The following FPGS variants were observed in gnomAD, a reference collection of about 807,000 sequenced individuals.
FPGS encodes folylpolyglutamate synthase, also known as folylpolyglutamate synthase, mitochondrial.
In FPGS, 53 loss-of-function variants were observed where a neutral mutation model predicts 66.5. That is an observed-to-expected ratio of 0.80 (90% CI 0.64 to 1.00). The LOEUF (loss-of-function observed/expected upper bound fraction) is 1.00, where lower values mean the gene tolerates loss of function less well. Among genes scored for constraint, FPGS ranks in the 50% least tolerant of loss-of-function variants. The probability of loss-of-function intolerance (pLI) is 0.00; values close to 1 mark genes in which losing one functional copy is unlikely to be tolerated. For synonymous variants in FPGS, 348 were observed against 350.9 expected (o/e 0.99, Z 0.09); for missense variants, 702 against 807.7 (o/e 0.87, Z 1.59).
rs201707418 is a variant in FPGS at position 127,804,323 on chromosome 9, C to T, written c.177C>T (p.Ala59=). Reference sequence around the variant, plus strand: ...TGCTCAATACCCTGCAGACCAATGCCGGCTACCTGGAGCAGGTGAAGCGCC... The same window carrying T: ...TGCTCAATACCCTGCAGACCAATGCTGGCTACCTGGAGCAGGTGAAGCGCC... The part of the protein sequence containing the change: ...VRMLNTLQTN[A]GYLEQVKRQR... Residue 59 remains alanine (A), a synonymous_variant, in exon 2 of 15, where the codon GCC becomes GCT. Transcript: ENST00000373247. The T allele has an allele frequency of 6.2e-6, 10 of 1,614,096 alleles. No homozygotes were observed. The highest frequency in any genetic ancestry group is 3.3e-5 in the Admixed American group (2 of 60,002).
intron 11 of FPGS, 146 bp downstream of exon 11, chr9:127,809,035 A>C: frequency 1.5e-6 from 1 of 658,498 alleles, no homozygotes. Context: ...GATGTCAGCA[A>C]ACCTCCCTGA....
chr9:127,814,266 G>A (rs1830224335), downstream of FPGS: 1 of 531,906 alleles, frequency 1.9e-6, no homozygotes, highest in African/African-American at 2.1e-5. Flanking sequence ...CATATGCCAG[G>A]CAGTGCTTTC....
Position 127,808,700 on chromosome 9 carries a change from G to A in FPGS, c.965G>A (p.Arg322His), listed in dbSNP as rs755174848. 2.1e-5 allele frequency: 33 copies of A among 1,583,880 alleles called. No individual in the cohort carries two copies. Among genetic ancestry groups the A allele is most frequent in the African/African-American group, 2.7e-5 (2 of 74,372 alleles). The change falls in exon 10 of 15, where the codon CGC becomes CAC. Residue 322 changes from arginine to histidine, a missense_variant. This residue lies in a region of FPGS where 351 missense variants were observed against 363.7 expected (regional missense o/e 0.97). Coordinates refer to ENST00000373247, the MANE Select transcript of FPGS (RefSeq NM_004957.6). The stretch of plus-strand genomic sequence containing the variant: ...CACTGCTGGCTGCAGCGGCAGGACC[G>A]CCATGGTGAGTGGGCAGCTGAGTGG... ...LAHCWLQRQDRHGAGEPKASR... is the reference protein window; with the variant it reads ...LAHCWLQRQDHHGAGEPKASR...
chr9:127,814,099 C>T, downstream of FPGS: 2 of 986,642 alleles, frequency 2.0e-6, no homozygotes, highest in South Asian at 4.7e-5. Flanking sequence ...CCCCCTGCTC[C>T]CTCAGCAGAG....
rs200287234 is a variant in FPGS, at chr9:127,810,027, G to T, written c.1212-4G>T. ...TTTGACCCAGCTCCTCACCTCTGTC[G>T]CAGTGGCCCCGAGGTTCGAGTCTTG... On this transcript the variant is annotated splice_polypyrimidine_tract_variant and splice_region_variant and intron_variant, in intron 12 of 14. Transcript: ENST00000373247. 7 of 1,610,476 alleles carry T rather than the reference G, an allele frequency of 4.3e-6. No individual in the cohort carries two copies. The highest frequency in any genetic ancestry group is 5.9e-6 in the Non-Finnish European group (7 of 1,178,834).
chr9:127,809,734 C>A lies in FPGS; in HGVS notation c.1111C>A (p.Pro371Thr). ...PGRTQVLRRG[P>T]LTWYLDGAHT... ...CCGGACGCAGGTGCTGCGGCGCGGGCCCCTCACCTGGTACCTGGACGGTGC... is the reference window on the plus strand; with the variant it reads ...CCGGACGCAGGTGCTGCGGCGCGGGACCCTCACCTGGTACCTGGACGGTGC... Residue 371 changes from proline (P) to threonine (T), a missense_variant, in exon 12 of 15, where the codon CCC (proline) becomes ACC (threonine). Pro to Thr is a conservative substitution (Grantham distance 38). This residue lies in a region of FPGS where 351 missense variants were observed against 363.7 expected (regional missense o/e 0.97). Transcript: ENST00000373247. 1 of 1,587,078 alleles carries A rather than the reference C, an allele frequency of 6.3e-7. No homozygotes were observed. The highest frequency in any genetic ancestry group is 8.5e-7 in the Non-Finnish European group (1 of 1,175,334).
intron 1 of FPGS, among the ~76,000 whole-genome samples, chr9:127,803,850 C>T (rs1200435681): frequency 1.3e-5 from 2 of 152,156 alleles, no homozygotes; most frequent in African/African-American, 4.8e-5. Context: ...TGTGGAACCC[C>T]AGAGTCATGA....
intron 13 of FPGS, 120 bp from the exon 14 acceptor site, chr9:127,810,825 A>G (rs1318329601): frequency 1.7e-6 from 1 of 601,622 alleles, no homozygotes; most frequent in East Asian, 2.9e-5. Context: ...AGGTTTATAC[A>G]GCATCATTCT....
chr9:127,813,287 A>C lies in FPGS; in HGVS notation c.1447A>C (p.Ser483Arg). Residue 483 changes from serine to arginine, a missense_variant, in exon 15 of 15, where the codon AGC (serine) becomes CGC (arginine). By Grantham distance (110) the Ser-to-Arg change is moderately radical. Transcript: ENST00000373247. ...HWNHLDEEQASPDLWSAPSPE... is the reference protein window; with the variant it reads ...HWNHLDEEQARPDLWSAPSPE... ...GAACCACCTGGACGAAGAGCAGGCC[A>C]GCCCGGACCTCTGGAGTGCCCCCAG... 1 of 1,613,160 alleles carries C rather than the reference A, an allele frequency of 6.2e-7. No individual in the cohort carries two copies. The highest frequency in any genetic ancestry group is 8.5e-7 in the Non-Finnish European group (1 of 1,179,946).
Position 127,804,390 on chromosome 9 carries a change from T to A in FPGS, c.244T>A (p.Tyr82Asn). The change falls in exon 2 of 15, where the codon TAC (tyrosine) becomes AAC (asparagine). Residue 82 changes from tyrosine (Y) to asparagine (N), a missense_variant. Transcript: ENST00000373247. ...PQTQLEAMELYLARSGLQVED... is the reference protein window; with the variant it reads ...PQTQLEAMELNLARSGLQVED... ...GACACAGTTGGAAGCCATGGAACTG[T>A]ACCTGGCACGGAGTGGGCTGCAGGT... 1 of 1,614,198 alleles carries A rather than the reference T, an allele frequency of 6.2e-7. No individual in the cohort carries two copies. The highest frequency in any genetic ancestry group is 8.5e-7 in the Non-Finnish European group (1 of 1,180,032).
chr9:127,813,880 C>T lies in FPGS; in HGVS notation c.*276C>T, dbSNP rs376593560. On this transcript the variant is annotated 3_prime_UTR_variant, in exon 15 of 15. Coordinates refer to ENST00000373247, the MANE Select transcript of FPGS (RefSeq NM_004957.6). ...CAGCCTGTCTCCCCCAACACCCCGCCTGCCTCCTGGCTCAGGCCCAGCTTA... is the reference window on the plus strand; with the variant it reads ...CAGCCTGTCTCCCCCAACACCCCGCTTGCCTCCTGGCTCAGGCCCAGCTTA... The T allele has an allele frequency of 1.7e-6, 2 of 1,206,628 alleles. No homozygotes were observed. Among genetic ancestry groups the T allele is most frequent in the African/African-American group, 1.6e-5 (1 of 63,742 alleles). 74.7% of individuals were successfully genotyped at this position (1,206,628 alleles called of 1,614,324 possible). A position where few individuals can be genotyped will look rare whatever the true frequency, so the allele number is the denominator to read the frequency against.
At chr9:127,803,094 G>T in intron 1 of FPGS, 32 bp downstream of exon 1, 1 of 1,363,946 alleles carries the variant, frequency 7.3e-7, no homozygotes, top group South Asian at 1.7e-5. Flanking sequence ...CAGCGGGCCT[G>T]GGCGCGACGA....
At chr9:127,808,054 C>T (rs930977331) in intron 8 of FPGS, 180 bp from the exon 9 acceptor site, 18 of 596,842 alleles carry the variant, frequency 3.0e-5, no homozygotes, top group Non-Finnish European at 4.8e-5. Context: ...TGCAGTGAGC[C>T]GAGATTGCGC....
rs1354107027 is a variant in FPGS at position 127,808,706 on chromosome 9, GTGAGTGGGCAGC to G, written c.970+13_970+24del. Reference sequence around the variant, plus strand: ...TGGCTGCAGCGGCAGGACCGCCATGGTGAGTGGGCAGCTGAGTGGGCAGGCAGGTGGGTGGCA... The same window carrying G: ...TGGCTGCAGCGGCAGGACCGCCATGGTGAGTGGGCAGGCAGGTGGGTGGCA... On this transcript the variant is annotated splice_donor_variant and splice_donor_5th_base_variant and intron_variant, in intron 10 of 14. Coordinates refer to ENST00000373247, the MANE Select transcript of FPGS (RefSeq NM_004957.6). LOFTEE classifies it high-confidence loss of function. 2.5e-6 allele frequency: 4 copies of G among 1,582,890 alleles called. No individual in the cohort carries two copies. The highest frequency in any genetic ancestry group is 2.3e-5 in the East Asian group (1 of 43,226).
In FPGS at chr9:127,804,266, T is replaced by C. The variant is rs1410239072; in HGVS notation, c.139-19T>C. 1 of 1,612,496 alleles carries C rather than the reference T, an allele frequency of 6.2e-7. No homozygotes were observed. The highest frequency in any genetic ancestry group is 1.1e-5 in the South Asian group (1 of 90,870). On this transcript the variant is annotated intron_variant, in intron 1 of 14. Transcript: ENST00000373247. ...CCTGAGTGAGCCTTAACCTACTATC[T>C]GGGCACTGTGGTTGCCAGGATGCCG...
chr9:127,809,500 A>T (rs1474936455), intron 11 of FPGS, among the ~76,000 whole-genome samples, 184 bp from the exon 12 acceptor site: 1 of 152,180 alleles, frequency 6.6e-6, no homozygotes, highest in East Asian at 1.9e-4. Context: ...AGATTCCACC[A>T]GATGAGACAG....
In FPGS at chr9:127,805,612, TGAAAA is replaced by T. The variant is rs143733490; in HGVS notation, c.386+918_386+922del. Among the ~76,000 whole-genome samples the T allele has an allele frequency of 2.5e-3, 386 of 151,672 alleles. 1 individual carries two copies. The highest frequency in any genetic ancestry group is 9.0e-3 in the African/African-American group (374 of 41,350). ...GACTTCATCTCTATTAAAAAAAAAA[TGAAAA>T]GAAAAAATTTTAAAGTCCATATATA... is the stretch of plus-strand genomic sequence containing the variant. On this transcript the variant is annotated intron_variant, in intron 4 of 14. Coordinates refer to ENST00000373247, the MANE Select transcript of FPGS (RefSeq NM_004957.6).
chr9:127,808,621 G>A lies in FPGS; in HGVS notation c.886G>A (p.Gly296Ser). The A allele has an allele frequency of 6.2e-7, 1 of 1,611,948 alleles. No individual in the cohort carries two copies. Among genetic ancestry groups the A allele is most frequent in the Non-Finnish European group, 8.5e-7 (1 of 1,179,608 alleles). ...GGAAGGGGGGCCGCCGCTGACCCTG[G>A]GCCTGGAGGGGGAGCACCAGCGGTC... is the stretch of plus-strand genomic sequence containing the variant. ...LEEGGPPLTL[G>S]LEGEHQRSNA... Residue 296 changes from glycine (G) to serine (S), a missense_variant, in exon 10 of 15, where the codon GGC (glycine) becomes AGC (serine). Gly to Ser is a moderately conservative substitution (Grantham distance 56). Transcript: ENST00000373247.
In FPGS at chr9:127,804,390, T is replaced by C; in HGVS notation, c.244T>C (p.Tyr82His). The change falls in exon 2 of 15, where the codon TAC becomes CAC. Residue 82 changes from tyrosine to histidine, a missense_variant. This residue lies in a region of FPGS where 240 missense variants were observed against 348.6 expected (regional missense o/e 0.69). Transcript: ENST00000373247. ...GACACAGTTGGAAGCCATGGAACTG[T>C]ACCTGGCACGGAGTGGGCTGCAGGT... ...PQTQLEAMELYLARSGLQVED... is the reference protein window; with the variant it reads ...PQTQLEAMELHLARSGLQVED... The C allele has an allele frequency of 6.2e-7, 1 of 1,614,198 alleles. No homozygotes were observed. Among genetic ancestry groups the C allele is most frequent in the South Asian group, 1.1e-5 (1 of 91,088 alleles).
Sources: allele counts gnomAD v4.1 joint callset (sites outside exome capture counted in the v4.1 genomes callset), GRCh38; gene constraint gnomAD v4.1.1; regional missense constraint gnomAD v4.1.1; transcripts MANE v1.5; gene names NCBI Gene and HGNC (gene_info 2026-07-23, HGNC 2026-07-21).